Variants in SORBS2 observed in about 807,000 individuals in gnomAD.
The protein encoded by SORBS2 is sorbin and SH3 domain containing 2.
In SORBS2, 46 loss-of-function variants were observed where a neutral mutation model predicts 97.7. The ratio of observed to expected loss-of-function variants is 0.47; its 90% CI spans 0.37 to 0.60. The LOEUF (loss-of-function observed/expected upper bound fraction) is 0.60. Ranked by LOEUF, SORBS2 falls within the 20% of genes least tolerant of loss-of-function variation. The pLI, the probability that SORBS2 is intolerant of heterozygous loss-of-function variation, is 0.00. For synonymous variants in SORBS2, 476 were observed against 473.4 expected (o/e 1.01, Z -0.07); for missense variants, 1,316 against 1,282.3 (o/e 1.03, Z -0.40).
exon 3 of SORBS2, chr4:185,649,563 G>C (rs1307292887): frequency 1.2e-6 from 2 of 1,605,582 alleles, no homozygotes; most frequent in Non-Finnish European, 1.7e-6. Flanking sequence ...AAAGGCATTG[G>C]GGCTGTTGTC....
chr4:185,792,890 C>T (rs2153648594), intron 1 of SORBS2, among the ~76,000 whole-genome samples: 1 of 152,298 alleles, frequency 6.6e-6, no homozygotes, highest in African/African-American at 2.4e-5. Flanking sequence ...AGCTGGAATC[C>T]CACTTTCCCC....
At chr4:185,656,964 C>A in exon 1 of SORBS2, 2 of 1,129,698 alleles carry the variant, frequency 1.8e-6, no homozygotes, top group South Asian at 3.1e-5. Context: ...TCCCAACTCC[C>A]AAATCACAGC....
chr4:185,650,047 T>C (rs1434011973), intron 2 of SORBS2, among the ~76,000 whole-genome samples: 1 of 152,308 alleles, frequency 6.6e-6, no homozygotes, highest in Middle Eastern at 3.4e-3. Context: ...TCCAAATATC[T>C]TCTAATACTT....
chr4:185,897,949 A>G (rs956241310), intron 1 of SORBS2, among the ~76,000 whole-genome samples: 3 of 152,160 alleles, frequency 2.0e-5, no homozygotes, highest in Non-Finnish European at 4.4e-5. Flanking sequence ...AGACACAAGA[A>G]TCATTTGAAC....
chr4:185,834,578 C>T (rs960603380), intron 1 of SORBS2, among the ~76,000 whole-genome samples: 16 of 151,902 alleles, frequency 1.1e-4, no homozygotes, highest in Admixed American at 9.8e-4. Context: ...TTCTACCAGC[C>T]GTATAGAGGA....
At chr4:185,930,291 G>C (rs1336517037) in intron 1 of SORBS2, among the ~76,000 whole-genome samples, 1 of 151,518 alleles carries the variant, frequency 6.6e-6, no homozygotes, top group Admixed American at 6.6e-5. Flanking sequence ...AGGTTTTTTT[G>C]TTTTGTTTTG....
intron 1 of SORBS2, among the ~76,000 whole-genome samples, chr4:185,893,268 G>A (rs2099243358): frequency 6.6e-6 from 1 of 152,192 alleles, no homozygotes. Flanking sequence ...TGGTGAGAGG[G>A]CTTGACATGG....
intron 1 of SORBS2, among the ~76,000 whole-genome samples, chr4:185,955,380 A>G (rs2099279062): frequency 6.6e-6 from 1 of 152,218 alleles, no homozygotes. Context: ...AGAAGAAACA[A>G]CTGTGTTAGT....
rs561188161 is a variant in SORBS2, at chr4:185,828,649, C to T, written c.-337-53283G>A. On this transcript the variant is annotated intron_variant, in intron 1 of 20. Transcript: ENST00000284776. ...AGGCAGGGAACCATGGCTCGCCCAC[C>T]GATCACAGCAACACGAGATCCTAAA... 6.6e-5 allele frequency among the ~76,000 whole-genome samples: 10 copies of T among 152,204 alleles called. No individual in the cohort carries two copies. In the East Asian group the frequency reaches 1.4e-3, roughly 21 times the overall value.
intron 2 of SORBS2, among the ~76,000 whole-genome samples, chr4:185,749,493 G>C (rs930736412): frequency 2.6e-5 from 4 of 152,176 alleles, no homozygotes; most frequent in African/African-American, 9.6e-5. Flanking sequence ...ATCCTGATGG[G>C]ATTGAAAATC....
chr4:185,690,484 T>C (rs1335402707), intron 2 of SORBS2, 78 bp downstream of exon 4: 12 of 826,554 alleles, frequency 1.5e-5, no homozygotes. Context: ...ATCAGAAGAG[T>C]GCTAAACTAA....
upstream of SORBS2, among the ~76,000 whole-genome samples, chr4:185,659,321 A>G (rs2097469580): frequency 6.6e-6 from 1 of 152,176 alleles, no homozygotes; most frequent in South Asian, 2.1e-4. Context: ...CTGCTGTCAA[A>G]GAAGACATGG....
intron 1 of SORBS2, among the ~76,000 whole-genome samples, chr4:185,952,812 A>G (rs1413483322): frequency 1.3e-5 from 2 of 152,150 alleles, no homozygotes. Context: ...CCTCTAGTTT[A>G]TTCCCCTTCA....
chr4:185,794,103 C>T (rs1356857631), intron 1 of SORBS2, among the ~76,000 whole-genome samples: 5 of 152,220 alleles, frequency 3.3e-5, no homozygotes, highest in African/African-American at 9.6e-5. Context: ...CTGTTATTTA[C>T]TGACTTTTAA....
intron 1 of SORBS2, among the ~76,000 whole-genome samples, chr4:185,930,193 AC>A (rs1179016207): frequency 6.6e-6 from 1 of 152,162 alleles, no homozygotes; most frequent in Non-Finnish European, 1.5e-5. Context: ...CATCCCCCAA[AC>A]ATAACAAGAA....
intron 2 of SORBS2, among the ~76,000 whole-genome samples, chr4:185,710,334 C>A (rs546543442): frequency 6.6e-6 from 1 of 152,128 alleles, no homozygotes; most frequent in Non-Finnish European, 1.5e-5. Flanking sequence ...GCTCGTCTTG[C>A]GACATAAAAT....
Position 185,816,642 on chromosome 4 carries a change from A to T in SORBS2, c.-337-41276T>A, listed in dbSNP as rs144326461. Among the ~76,000 whole-genome samples, 1,255 of 152,324 alleles carry T rather than the reference A, an allele frequency of 8.2e-3. 18 individuals carry two copies. Among genetic ancestry groups the T allele is most frequent in the African/African-American group, 0.027 (1,130 of 41,566 alleles). ...AAAGCAGACTGACCCACAGGCTACT[A>T]ATCAAATGCGTTCATATCCCCTGAA... is the stretch of plus-strand genomic sequence containing the variant. On this transcript the variant is annotated intron_variant, in intron 1 of 20. Coordinates refer to the SORBS2 transcript ENST00000284776.
At chr4:185,660,876 G>C (rs993147330), upstream of SORBS2, among the ~76,000 whole-genome samples, 1 of 152,162 alleles carries the variant, frequency 6.6e-6, no homozygotes. Context: ...AAGCTTCCTA[G>C]TGAGTCGACA....
At chr4:185,898,801 T>C (rs2099246205) in intron 1 of SORBS2, among the ~76,000 whole-genome samples, 1 of 152,144 alleles carries the variant, frequency 6.6e-6, no homozygotes, top group Admixed American at 6.5e-5. Context: ...AGCTTCACTG[T>C]AGAGGCCAAG....
Sources: allele counts gnomAD v4.1 joint callset (sites outside exome capture counted in the v4.1 genomes callset), GRCh38; gene constraint gnomAD v4.1.1; transcripts MANE v1.5; gene names NCBI Gene and HGNC (gene_info 2026-07-23, HGNC 2026-07-21).